PKIB: variants seen among roughly 807,000 people sequenced by gnomAD.
PKIB encodes PKI-beta.
A neutral mutation model predicts 4.5 loss-of-function variants in PKIB; 2 were observed. The observed-to-expected ratio is 0.44, with a 90% confidence interval of 0.18 to 1.39. The LOEUF is 1.39. PKIB is among the 40% of genes most tolerant of loss of function. The probability of loss-of-function intolerance (pLI) is 0.27; values close to 1 mark genes in which losing one functional copy is unlikely to be tolerated. For missense variants in PKIB, 94 were observed against 92.6 expected, an observed-to-expected ratio of 1.02 and a Z score of -0.06; for synonymous variants, 38 against 36.0, an observed-to-expected ratio of 1.06 and a Z score of -0.20.
chr6:122,696,380 G>A (rs1778570437), intron 3 of PKIB, among the ~76,000 whole-genome samples: 1 of 152,194 alleles, frequency 6.6e-6, no homozygotes, highest in Admixed American at 6.5e-5. Context: ...CTCTGTGAAG[G>A]TGGCCAGGAT....
chr6:122,561,999 T>G (rs1435106770), intron 2 of PKIB, among the ~76,000 whole-genome samples: 1 of 131,756 alleles, frequency 7.6e-6, no homozygotes, highest in Non-Finnish European at 1.5e-5. Flanking sequence ...TTTTTGTTTT[T>G]TTTTGTTTTT....
chr6:122,530,710 A>C (rs1370480927), intron 2 of PKIB, among the ~76,000 whole-genome samples: 1 of 152,186 alleles, frequency 6.6e-6, no homozygotes, highest in Non-Finnish European at 1.5e-5. Flanking sequence ...AGCAGCTTCT[A>C]AACTCTCCCA....
intron 2 of PKIB, among the ~76,000 whole-genome samples, chr6:122,653,086 G>T (rs1297160574): frequency 2.0e-5 from 3 of 152,146 alleles, no homozygotes; most frequent in East Asian, 1.9e-4. Flanking sequence ...TTGGAGTTTG[G>T]TTTTGTTTGG....
At chr6:122,506,424 A>G (rs937806555) in intron 2 of PKIB, among the ~76,000 whole-genome samples, 4 of 152,126 alleles carry the variant, frequency 2.6e-5, no homozygotes, top group African/African-American at 4.8e-5. Flanking sequence ...ATTAACTTCC[A>G]TAATTTGGGA....
At chr6:122,556,626 A>G (rs1022762981) in intron 2 of PKIB, among the ~76,000 whole-genome samples, 1 of 152,162 alleles carries the variant, frequency 6.6e-6, no homozygotes, top group Non-Finnish European at 1.5e-5. Context: ...GAAGTGTCAA[A>G]GGTAGACAGA....
intron 3 of PKIB, among the ~76,000 whole-genome samples, chr6:122,708,871 G>C (rs571995665): frequency 3.3e-5 from 5 of 152,124 alleles, no homozygotes; most frequent in Non-Finnish European, 7.4e-5. Flanking sequence ...GACCTCAGGT[G>C]ATCTGCCTGC....
chr6:122,521,203 G>A (rs572632001), intron 2 of PKIB, among the ~76,000 whole-genome samples: 56 of 152,292 alleles, frequency 3.7e-4, no homozygotes, highest in African/African-American at 1.2e-3. Context: ...CGGACTGGCC[G>A]CAGGCCACCA....
intron 2 of PKIB, among the ~76,000 whole-genome samples, chr6:122,557,534 A>G (rs568393696): frequency 1.2e-4 from 18 of 152,070 alleles, no homozygotes; most frequent in African/African-American, 4.4e-4. Flanking sequence ...TTTGGAAGGC[A>G]CACATGTGAA....
intron 2 of PKIB, among the ~76,000 whole-genome samples, chr6:122,492,821 G>A (rs1775976440): frequency 6.7e-6 from 1 of 149,054 alleles, no homozygotes; most frequent in African/African-American, 2.5e-5. Context: ...GGAAGCTTTG[G>A]TTTCCTTTTA....
At chr6:122,561,924 T>C (rs1312091807) in intron 2 of PKIB, among the ~76,000 whole-genome samples, 1 of 151,720 alleles carries the variant, frequency 6.6e-6, no homozygotes, top group African/African-American at 2.4e-5. Context: ...AATGTTAGTA[T>C]TGAAATGTGA....
chr6:122,698,408 CTGCTCCAA>C (rs1419375895), intron 3 of PKIB, among the ~76,000 whole-genome samples: 1 of 152,142 alleles, frequency 6.6e-6, no homozygotes, highest in Non-Finnish European at 1.5e-5. Context: ...CATGGGGGTG[CTGCTCCAA>C]TGCATTACCA....
intron 2 of PKIB, chr6:122,480,730 T>C (rs886773704): frequency 6.6e-6 from 1 of 152,160 alleles, no homozygotes; most frequent in Non-Finnish European, 1.5e-5. Context: ...TGGGTTGTGG[T>C]GTTCATCTCC....
At chr6:122,537,019 A>G (rs1275941551) in intron 2 of PKIB, among the ~76,000 whole-genome samples, 2 of 151,800 alleles carry the variant, frequency 1.3e-5, no homozygotes, top group African/African-American at 2.4e-5. Flanking sequence ...TAAGATCTCC[A>G]TCTGTTGGGA....
intron 3 of PKIB, among the ~76,000 whole-genome samples, chr6:122,601,930 C>G (rs930685452): frequency 2.7e-4 from 41 of 151,852 alleles, no homozygotes; most frequent in African/African-American, 9.9e-4. Flanking sequence ...TAAGGGTCAC[C>G]TGTAGTTTGG....
chr6:122,608,048 G>T (rs1774603670), upstream of PKIB, among the ~76,000 whole-genome samples: 4 of 152,206 alleles, frequency 2.6e-5, no homozygotes, highest in South Asian at 8.3e-4. Context: ...CTAATGTCTT[G>T]ATCTTCGTTC....
intron 2 of PKIB, among the ~76,000 whole-genome samples, chr6:122,635,771 G>A (rs1775896241): frequency 6.6e-6 from 1 of 151,936 alleles, no homozygotes; most frequent in African/African-American, 2.4e-5. Flanking sequence ...GATTTCAAAT[G>A]ACATTTGATA....
chr6:122,485,639 A>G (rs1248408303), intron 2 of PKIB, among the ~76,000 whole-genome samples: 1 of 151,226 alleles, frequency 6.6e-6, no homozygotes, highest in East Asian at 2.0e-4. Flanking sequence ...TGGTTAACAC[A>G]TTTCCAATTC....
chr6:122,521,685 AAAT>A (rs374417068), intron 2 of PKIB, among the ~76,000 whole-genome samples: 5 of 151,934 alleles, frequency 3.3e-5, no homozygotes, highest in African/African-American at 9.7e-5. Flanking sequence ...ACCTCAATAA[AAAT>A]AATAATAATA....
intron 1 of PKIB, chr6:122,472,062 T>C (rs2114498477): frequency 2.4e-6 from 1 of 414,286 alleles, no homozygotes; most frequent in South Asian, 2.9e-5. Context: ...AACCCACCTT[T>C]ACCTACCATG....
Sources: gnomAD v4.1 joint callset for allele counts (sites outside exome capture counted in the v4.1 genomes callset) on GRCh38, gnomAD v4.1.1 for gene constraint, MANE v1.5 for transcripts, NCBI Gene and HGNC (gene_info 2026-07-23, HGNC 2026-07-21) for gene names.